Variants in ZFHX3 observed in about 807,000 individuals in gnomAD.
The protein encoded by ZFHX3 is zinc finger homeobox protein 3.
In ZFHX3, 42 loss-of-function variants were observed where a neutral mutation model predicts 279.1. The ratio of observed to expected loss-of-function variants is 0.15; its 90% CI spans 0.12 to 0.19. The LOEUF (loss-of-function observed/expected upper bound fraction) is 0.19, where lower values mean the gene tolerates loss of function less well. Among genes scored for constraint, ZFHX3 ranks in the 10% least tolerant of loss-of-function variants. The pLI, the probability that ZFHX3 is intolerant of heterozygous loss-of-function variation, is 1.00. For missense variants in ZFHX3, 4,981 were observed against 4,754.0 expected (o/e 1.05, Z -1.40); for synonymous variants, 2,293 against 1,957.8 (o/e 1.17, Z -4.52).
At chr16:73,040,212 C>T (rs556279309) in intron 1 of ZFHX3, among the ~76,000 whole-genome samples, 1 of 152,010 alleles carries the variant, frequency 6.6e-6, no homozygotes, top group South Asian at 2.1e-4. Context: ...CTGTGACAGG[C>T]AACGGAGCAG....
chr16:73,486,561 C>T (rs8062545), intron 2 of ZFHX3, among the ~76,000 whole-genome samples: 48,412 of 152,138 alleles, frequency 0.32, 8,446 homozygotes, highest in African/African-American at 0.45. Context: ...ATTCTGCCTT[C>T]GAGGAATACC....
chr16:73,710,851 G>C (rs1415867477), intron 1 of ZFHX3, among the ~76,000 whole-genome samples: 1 of 152,154 alleles, frequency 6.6e-6, no homozygotes, highest in African/African-American at 2.4e-5. Context: ...TGGTCAATTT[G>C]GGTTTCCTGC....
chr16:73,888,947 C>T (rs1055736414), intron 1 of ZFHX3, among the ~76,000 whole-genome samples: 4 of 151,306 alleles, frequency 2.6e-5, no homozygotes, highest in Non-Finnish European at 5.9e-5. Flanking sequence ...AGCAAGCCCG[C>T]ATACTCTCCA....
chr16:73,260,485 G>A (rs1331508756), intron 4 of ZFHX3, among the ~76,000 whole-genome samples: 1 of 152,028 alleles, frequency 6.6e-6, no homozygotes, highest in Non-Finnish European at 1.5e-5. Flanking sequence ...TGCTCCTGAT[G>A]TGTGTCTTCT....
At chr16:73,157,746 A>T (rs1967130535) in intron 5 of ZFHX3, among the ~76,000 whole-genome samples, 1 of 152,178 alleles carries the variant, frequency 6.6e-6, no homozygotes. Context: ...AGTCATTAAG[A>T]TTCCTATGGC....
At chr16:72,960,619 G>C (rs909914423) in intron 1 of ZFHX3, among the ~76,000 whole-genome samples, 1 of 152,184 alleles carries the variant, frequency 6.6e-6, no homozygotes, top group East Asian at 1.9e-4. Flanking sequence ...AGTCAGCCCC[G>C]ACTCCGCGCA....
At chr16:73,511,104 G>A (rs1280181609) in intron 2 of ZFHX3, among the ~76,000 whole-genome samples, 1 of 152,192 alleles carries the variant, frequency 6.6e-6, no homozygotes, top group Non-Finnish European at 1.5e-5. Flanking sequence ...ATGGTCACCT[G>A]TAAGTTGGCT....
At chr16:73,698,149 G>A (rs1275288731) in intron 1 of ZFHX3, among the ~76,000 whole-genome samples, 1 of 151,714 alleles carries the variant, frequency 6.6e-6, no homozygotes, top group East Asian at 1.9e-4. Flanking sequence ...CATGGTTATG[G>A]TACAATTCCC....
intron 2 of ZFHX3, among the ~76,000 whole-genome samples, chr16:73,585,100 G>A (rs1457512459): frequency 1.3e-5 from 2 of 152,178 alleles, no homozygotes; most frequent in Admixed American, 6.5e-5. Flanking sequence ...ATTGTGGAGA[G>A]ACAGGATCAC....
At chr16:73,744,109 G>T (rs1334701700) in intron 1 of ZFHX3, among the ~76,000 whole-genome samples, 1 of 152,208 alleles carries the variant, frequency 6.6e-6, no homozygotes, top group Non-Finnish European at 1.5e-5. Flanking sequence ...ATTAATCCTT[G>T]TAAGACACTA....
chr16:72,883,624 G>A (rs2038550817), intron 4 of ZFHX3, among the ~76,000 whole-genome samples: 2 of 152,166 alleles, frequency 1.3e-5, no homozygotes, highest in Non-Finnish European at 2.9e-5. Flanking sequence ...CTCTTTTCAT[G>A]TTCATACATA....
intron 7 of ZFHX3, among the ~76,000 whole-genome samples, chr16:73,106,945 A>G (rs1387293399): frequency 6.6e-6 from 1 of 152,236 alleles, no homozygotes; most frequent in Non-Finnish European, 1.5e-5. Flanking sequence ...GATGGGACTA[A>G]CAGTCCATCT....
At chr16:72,800,597 G>A (rs1412481342) in intron 7 of ZFHX3, among the ~76,000 whole-genome samples, 1 of 152,202 alleles carries the variant, frequency 6.6e-6, no homozygotes, top group Non-Finnish European at 1.5e-5. Context: ...GCAAGAGGAG[G>A]AGGGGAGTAA....
intron 3 of ZFHX3, among the ~76,000 whole-genome samples, chr16:72,929,805 C>G (rs906826958): frequency 6.6e-6 from 1 of 152,246 alleles, no homozygotes; most frequent in Non-Finnish European, 1.5e-5. Flanking sequence ...TAATCCTCAT[C>G]AGCTGTGGGA....
At chr16:73,250,147 T>C (rs2013438238) in intron 5 of ZFHX3, among the ~76,000 whole-genome samples, 1 of 152,254 alleles carries the variant, frequency 6.6e-6, no homozygotes, top group Admixed American at 6.5e-5. Context: ...ATGGTTGCAC[T>C]GATAGCTTCT....
intron 1 of ZFHX3, among the ~76,000 whole-genome samples, chr16:73,716,118 A>G (rs2142232332): frequency 6.6e-6 from 1 of 152,302 alleles, no homozygotes; most frequent in Non-Finnish European, 1.5e-5. Flanking sequence ...TAAGAAAAAA[A>G]GTAAATATAG....
chr16:73,629,205 G>T (rs1382727686), intron 2 of ZFHX3, among the ~76,000 whole-genome samples: 2 of 152,180 alleles, frequency 1.3e-5, no homozygotes, highest in African/African-American at 4.8e-5. Flanking sequence ...ACTCAGAGAA[G>T]TGTAATCCAT....
chr16:73,216,516 A>T (rs1168615241), intron 5 of ZFHX3, among the ~76,000 whole-genome samples: 1 of 152,346 alleles, frequency 6.6e-6, no homozygotes, highest in East Asian at 1.9e-4. Flanking sequence ...GAGTCAACTC[A>T]TTCATCTTTG....
chr16:72,881,669 C>A (rs2038474884), intron 4 of ZFHX3, among the ~76,000 whole-genome samples: 1 of 152,120 alleles, frequency 6.6e-6, no homozygotes, highest in Non-Finnish European at 1.5e-5. Flanking sequence ...AGTGTGAACT[C>A]CAGAGGCTAG....
Sources: allele counts gnomAD v4.1 joint callset (sites outside exome capture counted in the v4.1 genomes callset), GRCh38; gene constraint gnomAD v4.1.1; transcripts MANE v1.5; gene names NCBI Gene and HGNC (gene_info 2026-07-23, HGNC 2026-07-21).